Variants in PAIP2 observed in about 807,000 individuals in gnomAD.
PAIP2 encodes the protein poly(A) binding protein interacting protein 2, also known as polyadenylate-binding protein-interacting protein 2.
Under a neutral mutation model 14.8 loss-of-function variants are expected in PAIP2, and 7 were observed. That is an observed-to-expected ratio of 0.47 (90% confidence interval 0.27 to 0.89). PAIP2 has a LOEUF of 0.89. Among genes scored for constraint, PAIP2 ranks in the 40% least tolerant of loss-of-function variants. The pLI is 0.13. For missense variants in PAIP2, 122 were observed against 154.7 expected, an observed-to-expected ratio of 0.79 and a Z score of 1.12; for synonymous variants, 47 against 45.3, an observed-to-expected ratio of 1.04 and a Z score of -0.15.
intron 1 of PAIP2, among the ~76,000 whole-genome samples, chr5:139,352,906 G>T (rs1756790935): frequency 6.6e-6 from 1 of 151,622 alleles, no homozygotes; most frequent in Non-Finnish European, 1.5e-5. Context: ...ACCTGAAGTT[G>T]GGAGTTTGAG....
intron 1 of PAIP2, among the ~76,000 whole-genome samples, chr5:139,359,871 C>T (rs1346618072): frequency 1.3e-5 from 2 of 151,218 alleles, no homozygotes; most frequent in African/African-American, 4.9e-5. Context: ...ACACAGGAGG[C>T]GGAGGCAGGA....
chr5:139,365,967 C>A (rs770061548), intron 3 of PAIP2, among the ~76,000 whole-genome samples: 2 of 151,982 alleles, frequency 1.3e-5, no homozygotes, highest in African/African-American at 4.8e-5. Flanking sequence ...TTTGGGACGC[C>A]GAGGCACGCG....
At chr5:139,364,337 C>A (rs1280714515) in intron 2 of PAIP2, among the ~76,000 whole-genome samples, 1 of 152,030 alleles carries the variant, frequency 6.6e-6, no homozygotes, top group Non-Finnish European at 1.5e-5. Flanking sequence ...TTCCCTGCCA[C>A]CCTCAATGGA....
intron 1 of PAIP2, among the ~76,000 whole-genome samples, chr5:139,349,353 A>G (rs1756656232): frequency 6.6e-6 from 1 of 152,104 alleles, no homozygotes; most frequent in African/African-American, 2.4e-5. Context: ...AGTTCAAGCA[A>G]TTCTCCTGCC....
chr5:139,352,502 G>GTTGTTTTTTTTTT (rs1756770867), intron 1 of PAIP2, among the ~76,000 whole-genome samples: 3 of 76,156 alleles, frequency 3.9e-5, no homozygotes, highest in African/African-American at 1.1e-4. Context: ...TTTTTTTGTT[G>GTTGTTTTTTTTTT]TTTTTTTTTT....
intron 1 of PAIP2, among the ~76,000 whole-genome samples, chr5:139,352,702 CT>C (rs1756783875): frequency 6.6e-6 from 1 of 150,644 alleles, no homozygotes; most frequent in African/African-American, 2.4e-5. Flanking sequence ...AACTCCTGAC[CT>C]CAGGTGATCT....
At chr5:139,364,768 T>C (rs1757166747) in intron 3 of PAIP2, 25 bp downstream of exon 3, 2 of 1,477,412 alleles carry the variant, frequency 1.4e-6, no homozygotes, top group African/African-American at 1.4e-5. Flanking sequence ...TTCATCTTTT[T>C]AAAACCTAGT....
intron 1 of PAIP2, among the ~76,000 whole-genome samples, chr5:139,351,965 A>G (rs1756747385): frequency 6.6e-6 from 1 of 152,140 alleles, no homozygotes; most frequent in Non-Finnish European, 1.5e-5. Flanking sequence ...AATTTGTGCA[A>G]AGACCCTGCT....
chr5:139,355,923 G>C (rs547787404), intron 1 of PAIP2, among the ~76,000 whole-genome samples: 215 of 152,086 alleles, frequency 1.4e-3, no homozygotes, highest in African/African-American at 4.8e-3. Flanking sequence ...GGCACCTGAG[G>C]TCAGGAGTTT....
At chr5:139,345,465 C>T (rs1756511249) in intron 1 of PAIP2, among the ~76,000 whole-genome samples, 2 of 151,952 alleles carry the variant, frequency 1.3e-5, no homozygotes, top group Non-Finnish European at 2.9e-5. Flanking sequence ...CTTTAACTGC[C>T]AAAGGAAGTA....
At chr5:139,357,991 T>C (rs1756965245) in intron 1 of PAIP2, among the ~76,000 whole-genome samples, 1 of 152,142 alleles carries the variant, frequency 6.6e-6, no homozygotes, top group African/African-American at 2.4e-5. Context: ...GTTTTTTTTT[T>C]CTTAAGCATT....
chr5:139,365,775 A>C (rs1468633512), intron 3 of PAIP2, among the ~76,000 whole-genome samples: 1 of 152,232 alleles, frequency 6.6e-6, no homozygotes, highest in Non-Finnish European at 1.5e-5. Context: ...ACGGACTTCT[A>C]GCCCCTGCTT....
chr5:139,367,489 T>C (rs935009684), intron 3 of PAIP2: 1 of 152,110 alleles, frequency 6.6e-6, no homozygotes, highest in Non-Finnish European at 1.5e-5. Context: ...CCTTTTTTTT[T>C]AACTGATGCA....
chr5:139,354,610 C>T (rs187380257), intron 1 of PAIP2, among the ~76,000 whole-genome samples: 7 of 152,196 alleles, frequency 4.6e-5, no homozygotes, highest in African/African-American at 1.7e-4. Flanking sequence ...GAACTATTCT[C>T]CTTTTCTTCT....
chr5:139,345,867 T>A (rs1307466038), intron 1 of PAIP2, among the ~76,000 whole-genome samples: 1 of 152,078 alleles, frequency 6.6e-6, no homozygotes, highest in African/African-American at 2.4e-5. Context: ...GACCTTGTGA[T>A]CCGCCCACCT....
Position 139,341,857 on chromosome 5 carries a change from T to C in PAIP2, c.-150T>C, listed in dbSNP as rs1220699047. The C allele has an allele frequency of 6.6e-6, 1 of 152,220 alleles. No individual in the cohort carries two copies. The highest frequency in any genetic ancestry group is 2.4e-5 in the African/African-American group (1 of 41,366). The allele number at this position is 152,220 out of a possible 1,614,324, so 9.4% of individuals were successfully genotyped here. A position where few individuals can be genotyped will look rare whatever the true frequency, so the allele number is the denominator to read the frequency against. Reference sequence around the variant, plus strand: ...GAAGTCACTTCCGGGCTGGGGTGTTTGTTTGGACTGGAGAAGGGAGGCGGC... The same window carrying C: ...GAAGTCACTTCCGGGCTGGGGTGTTCGTTTGGACTGGAGAAGGGAGGCGGC... On this transcript the variant is annotated 5_prime_UTR_variant, in exon 1 of 4. Transcript: ENST00000265192.
intron 1 of PAIP2, among the ~76,000 whole-genome samples, chr5:139,354,715 G>C (rs1367880343): frequency 6.6e-6 from 1 of 151,768 alleles, no homozygotes; most frequent in Non-Finnish European, 1.5e-5. Flanking sequence ...CTGCTTCTCA[G>C]ACTGGATAAA....
At chr5:139,368,627 C>A (rs551478305) in intron 3 of PAIP2, 106 bp from the exon 4 acceptor site, 2 of 771,202 alleles carry the variant, frequency 2.6e-6, no homozygotes, top group Admixed American at 4.6e-5. Context: ...AGACTGAGTT[C>A]TTTTGTCTTT....
At chr5:139,367,550 A>G (rs1285404063) in intron 3 of PAIP2, 1 of 151,568 alleles carries the variant, frequency 6.6e-6, no homozygotes. Context: ...CACAGAAGTT[A>G]GTTAGGGGCA....
Sources: gnomAD v4.1 joint callset for allele counts (sites outside exome capture counted in the v4.1 genomes callset) on GRCh38, gnomAD v4.1.1 for gene constraint, MANE v1.5 for transcripts, NCBI Gene and HGNC (gene_info 2026-07-23, HGNC 2026-07-21) for gene names.